L3MBTL2: variants seen among roughly 807,000 people sequenced by gnomAD.
The protein encoded by L3MBTL2 is lethal(3)malignant brain tumor-like protein 2.
A neutral mutation model predicts 86.4 loss-of-function variants in L3MBTL2; 49 were observed. The ratio of observed to expected loss-of-function variants is 0.57; its 90% CI spans 0.45 to 0.72. The LOEUF is 0.72. Ranked by LOEUF, L3MBTL2 falls within the 30% of genes least tolerant of loss-of-function variation. The pLI is 0.00. For synonymous variants in L3MBTL2, 336 were observed against 350.6 expected, an observed-to-expected ratio of 0.96 and a Z score of 0.47; for missense variants, 755 against 923.7, an observed-to-expected ratio of 0.82 and a Z score of 2.37.
chr22:41,210,145 T>C (rs1265961612), intron 2 of L3MBTL2: 2 of 206,386 alleles, frequency 9.7e-6, no homozygotes, highest in Admixed American at 6.3e-5. Flanking sequence ...TCTAATTTCT[T>C]TTTTTTTTTT....
chr22:41,210,146 T>G (rs1209732523), intron 2 of L3MBTL2: 1 of 303,772 alleles, frequency 3.3e-6, no homozygotes. Context: ...CTAATTTCTT[T>G]TTTTTTTTTT....
intron 1 of L3MBTL2, among the ~76,000 whole-genome samples, chr22:41,207,462 A>G (rs980366046): frequency 2.0e-5 from 3 of 151,816 alleles, no homozygotes; most frequent in Non-Finnish European, 4.4e-5. Context: ...GGCTCAAGCA[A>G]TCCTCCTGTC....
At chr22:41,211,573 T>TTTTTTTTTTC (rs758875511) in intron 2 of L3MBTL2, among the ~76,000 whole-genome samples, 1 of 139,498 alleles carries the variant, frequency 7.2e-6, no homozygotes, top group Non-Finnish European at 1.5e-5. Flanking sequence ...TTTTTTTTTT[T>TTTTTTTTTTC]TGAGACGGAG....
chr22:41,208,452 T>C, intron 1 of L3MBTL2: 1 of 304,514 alleles, frequency 3.3e-6, no homozygotes, highest in Non-Finnish European at 6.6e-6. Context: ...TTCTGTTACA[T>C]GCTGGGTAGA....
intron 5 of L3MBTL2, chr22:41,218,547 T>C (rs2031570133): frequency 6.6e-6 from 1 of 152,042 alleles, no homozygotes; most frequent in Non-Finnish European, 1.5e-5. Context: ...AAAAGTACCA[T>C]TGGCAGGAAA....
chr22:41,210,143 CT>C (rs869292228), intron 2 of L3MBTL2: 12,914 of 162,416 alleles, frequency 0.08, 8 homozygotes, highest in South Asian at 0.16. Context: ...AGTCTAATTT[CT>C]TTTTTTTTTT....
At chr22:41,213,074 T>C (rs1011526400) in intron 2 of L3MBTL2, among the ~76,000 whole-genome samples, 2 of 148,006 alleles carry the variant, frequency 1.4e-5, no homozygotes, top group African/African-American at 5.0e-5. Context: ...AAAAATTAGC[T>C]GGGTGTGGTG....
intron 2 of L3MBTL2, 38 bp from the exon 3 acceptor site, chr22:41,213,855 T>A (rs139450): frequency 6.2e-7 from 1 of 1,610,284 alleles, no homozygotes; most frequent in Non-Finnish European, 8.5e-7. Flanking sequence ...TTTGAGGTGG[T>A]CATATCGGGT....
chr22:41,219,283 G>C (rs1322679561), intron 5 of L3MBTL2, 136 bp from the exon 6 acceptor site: 1 of 675,412 alleles, frequency 1.5e-6, no homozygotes, highest in African/African-American at 1.8e-5. Context: ...TTTATCTCTA[G>C]TAGCTGGTTC....
chr22:41,219,828 A>G (rs139469), intron 6 of L3MBTL2, among the ~76,000 whole-genome samples: 112,543 of 151,982 alleles, frequency 0.74, 42,549 homozygotes, highest in African/African-American at 0.9. Context: ...TGCAACCTCC[A>G]CCTCCTGGGT....
intron 2 of L3MBTL2, among the ~76,000 whole-genome samples, chr22:41,213,062 A>C (rs1052942075): frequency 3.3e-5 from 5 of 151,490 alleles, no homozygotes; most frequent in African/African-American, 1.2e-4. Flanking sequence ...CTAAAAACAC[A>C]AAAAAATTAG....
chr22:41,229,843 T>C, intron 16 of L3MBTL2, 187 bp downstream of exon 16: 1 of 987,870 alleles, frequency 1.0e-6, no homozygotes, highest in Non-Finnish European at 1.6e-6. Context: ...TGAATGGAGC[T>C]GAGTCCCCCT....
chr22:41,224,842 G>T lies in L3MBTL2; in HGVS notation c.1251+41G>T, dbSNP rs1216794409. 7 of 1,580,562 alleles carry T rather than the reference G, an allele frequency of 4.4e-6. No individual in the cohort carries two copies. Among genetic ancestry groups the T allele is most frequent in the Non-Finnish European group, 6.1e-6 (7 of 1,149,774 alleles). On this transcript the variant is annotated intron_variant, in intron 10 of 16. Transcript: ENST00000216237. This position sits in a 1 kb window ranked among gnomAD's most constrained non-coding sequence, Gnocchi z 4.9. ...TGGGCGCTTTTCCCCTCAGCCATGG[G>T]TCCATTCCGGGCCTGAGGGACCTGG... is the stretch of plus-strand genomic sequence containing the variant.
intron 1 of L3MBTL2, among the ~76,000 whole-genome samples, chr22:41,206,907 A>G (rs1344887827): frequency 2.0e-5 from 3 of 152,202 alleles, no homozygotes; most frequent in Non-Finnish European, 4.4e-5. Context: ...AACGAGAATA[A>G]TCATGTGGAG....
chr22:41,230,080 C>T, intron 16 of L3MBTL2, 59 bp from the exon 17 acceptor site: 3 of 548,896 alleles, frequency 5.5e-6, no homozygotes, highest in Non-Finnish European at 9.7e-6. Context: ...AGCTCCTCCG[C>T]CCCCACCCCT....
rs1434089354 is a variant in L3MBTL2, at chr22:41,227,659, C to T, written c.1823-145C>T. 5.1e-6 allele frequency: 8 copies of T among 1,561,346 alleles called. No individual in the cohort carries two copies. The highest frequency in any genetic ancestry group is 2.7e-5 in the African/African-American group (2 of 73,402). ...TGTTCTCCGGCCCCTCCTCCAGCCC[C>T]GCCCTCTCCTCATTGCCCAGGTTTG... is the stretch of plus-strand genomic sequence containing the variant. On this transcript the variant is annotated intron_variant, in intron 14 of 16. Transcript: ENST00000216237. The surrounding 1 kb of genome is among the most constrained non-coding windows in gnomAD (Gnocchi z 6.0).
chr22:41,225,152 C>T lies in L3MBTL2; in HGVS notation c.1356+81C>T. The T allele has an allele frequency of 9.1e-7, 1 of 1,097,136 alleles. No individual in the cohort carries two copies. The highest frequency in any genetic ancestry group is 1.5e-5 in the South Asian group (1 of 68,658). The allele number at this position is 1,097,136 out of a possible 1,614,324, so 68.0% of individuals were successfully genotyped here. ...GGCCCAGAGCTCTAACCCCACTCGC[C>T]ACCGTCAGGGGGTCTGTGTCCCAGC... On this transcript the variant is annotated intron_variant, in intron 11 of 16. Coordinates refer to ENST00000216237, the MANE Select transcript of L3MBTL2 (RefSeq NM_031488.5). The surrounding 1 kb of genome is among the most constrained non-coding windows in gnomAD (Gnocchi z 4.1).
At chr22:41,211,027 T>A (rs1015844621) in intron 2 of L3MBTL2, among the ~76,000 whole-genome samples, 5 of 152,024 alleles carry the variant, frequency 3.3e-5, no homozygotes, top group Non-Finnish European at 7.4e-5. Context: ...AGGACTGGGT[T>A]GGGGGCGGGC....
chr22:41,224,897 C>A lies in L3MBTL2; in HGVS notation c.1252-70C>A. ...TCCCCTGGGACCATCCCTTTCCCTC[C>A]TGAGGCCTGCTTCCCTCACCCTTCC... On this transcript the variant is annotated intron_variant, in intron 10 of 16. Transcript: ENST00000216237. The surrounding 1 kb of genome is among the most constrained non-coding windows in gnomAD (Gnocchi z 4.9). 1 of 1,555,818 alleles carries A rather than the reference C, an allele frequency of 6.4e-7. No homozygotes were observed. Among genetic ancestry groups the A allele is most frequent in the Non-Finnish European group, 8.9e-7 (1 of 1,128,600 alleles).
Sources: allele counts gnomAD v4.1 joint callset (sites outside exome capture counted in the v4.1 genomes callset), GRCh38; gene constraint gnomAD v4.1.1; non-coding constraint Gnocchi (gnomAD v3.1); transcripts MANE v1.5; gene names NCBI Gene and HGNC (gene_info 2026-07-23, HGNC 2026-07-21).